ADAMTS16: variants seen among roughly 807,000 people sequenced by gnomAD.
ADAMTS16 encodes the protein ADAM metallopeptidase with thrombospondin type 1 motif 16.
In ADAMTS16, 94 loss-of-function variants were observed where a neutral mutation model predicts 145.8. That is an observed-to-expected ratio of 0.64 (90% CI 0.55 to 0.77). The LOEUF (loss-of-function observed/expected upper bound fraction) is 0.77. ADAMTS16 is among the 30% of genes least tolerant of loss of function. ADAMTS16 has a pLI of 0.00. For missense variants in ADAMTS16, 1,585 were observed against 1,591.5 expected (o/e 1.00, Z 0.07); for synonymous variants, 659 against 604.3 (o/e 1.09, Z -1.33).
At chr5:5,259,804 A>G (rs1253636638) in intron 17 of ADAMTS16, among the ~76,000 whole-genome samples, 1 of 152,248 alleles carries the variant, frequency 6.6e-6, no homozygotes, top group African/African-American at 2.4e-5. Context: ...TACATAACTC[A>G]GCTTTCAGCT....
chr5:5,282,699 T>C (rs1361827955), intron 18 of ADAMTS16, among the ~76,000 whole-genome samples: 1 of 152,232 alleles, frequency 6.6e-6, no homozygotes, highest in Non-Finnish European at 1.5e-5. Flanking sequence ...TATATTCTTG[T>C]TGTCAAGTTT....
chr5:5,203,807 C>T (rs1033034236), intron 9 of ADAMTS16, among the ~76,000 whole-genome samples: 4 of 152,034 alleles, frequency 2.6e-5, no homozygotes, highest in African/African-American at 9.7e-5. Flanking sequence ...AGCTCTCTGA[C>T]CACGTGAATC....
At chr5:5,280,922 G>C (rs2126471276) in intron 18 of ADAMTS16, among the ~76,000 whole-genome samples, 1 of 152,276 alleles carries the variant, frequency 6.6e-6, no homozygotes, top group South Asian at 2.1e-4. Flanking sequence ...TCAGGCCCAA[G>C]CAAACCAGCG....
intron 3 of ADAMTS16, among the ~76,000 whole-genome samples, chr5:5,172,567 C>T (rs1049666714): frequency 6.6e-6 from 1 of 152,002 alleles, no homozygotes; most frequent in African/African-American, 2.4e-5. Context: ...CCTCTTGTGA[C>T]TGATTTCTAG....
intron 4 of ADAMTS16, among the ~76,000 whole-genome samples, chr5:5,182,967 C>T (rs751367046): frequency 1.1e-4 from 16 of 152,162 alleles, no homozygotes; most frequent in Non-Finnish European, 2.2e-4. Flanking sequence ...TCTCCCCCTG[C>T]CCATTGTTTC....
At chr5:5,308,127 G>A (rs946658711) in intron 21 of ADAMTS16, among the ~76,000 whole-genome samples, 6 of 152,160 alleles carry the variant, frequency 3.9e-5, no homozygotes, top group Admixed American at 6.5e-5. Flanking sequence ...TACGTTGATC[G>A]TGCCACCAAG....
rs1579312680 is a variant in ADAMTS16, at chr5:5,209,281, G to T, written c.1605+35G>T. ...TATTGGCACATGCTCAATGCAACAT[G>T]ATTCATAAGACTGTTTTATTTAGTG... is the stretch of plus-strand genomic sequence containing the variant. On this transcript the variant is annotated intron_variant, in intron 10 of 22. Coordinates refer to ENST00000274181, the MANE Select transcript of ADAMTS16 (RefSeq NM_139056.4). The T allele has an allele frequency of 2.5e-6, 4 of 1,606,946 alleles. No individual in the cohort carries two copies. In the South Asian group the frequency reaches 3.3e-5, roughly 13 times the overall value.
intron 10 of ADAMTS16, among the ~76,000 whole-genome samples, chr5:5,220,681 A>G (rs933368152): frequency 6.6e-6 from 1 of 152,090 alleles, no homozygotes; most frequent in African/African-American, 2.4e-5. Context: ...CCTGAGCTGA[A>G]CACATTACCT....
chr5:5,301,440 C>T (rs1233664868), intron 18 of ADAMTS16, among the ~76,000 whole-genome samples: 2 of 152,300 alleles, frequency 1.3e-5, no homozygotes, highest in East Asian at 1.9e-4. Flanking sequence ...TGCTCTGAAC[C>T]ATGTTAAAAA....
At chr5:5,179,959 T>C (rs1056036426) in intron 3 of ADAMTS16, among the ~76,000 whole-genome samples, 2 of 152,180 alleles carry the variant, frequency 1.3e-5, no homozygotes, top group Non-Finnish European at 2.9e-5. Context: ...CCAAATCCTA[T>C]TTTCCTTGAG....
chr5:5,262,863 G>A, intron 18 of ADAMTS16, 80 bp downstream of exon 18: 1 of 1,570,380 alleles, frequency 6.4e-7, no homozygotes. Flanking sequence ...CTGATTTCGA[G>A]AGAGAAGTGC....
At chr5:5,261,135 C>T (rs1738000528) in intron 17 of ADAMTS16, among the ~76,000 whole-genome samples, 2 of 152,130 alleles carry the variant, frequency 1.3e-5, no homozygotes, top group Admixed American at 1.3e-4. Flanking sequence ...TTTATTTTAT[C>T]CCCTACTGCA....
chr5:5,226,924 G>A lies in ADAMTS16; in HGVS notation c.1701+4040G>A, dbSNP rs190759091. Among the ~76,000 whole-genome samples the A allele has an allele frequency of 3.9e-5, 6 of 152,316 alleles. No individual in the cohort carries two copies. The East Asian group carries it at 1.2e-3, about 29-fold the overall frequency. ...CCAGGAGAAATCCAGGGCAAGGGGT[G>A]GGGACCACAGCTGAAATGCGTATCT... On this transcript the variant is annotated intron_variant, in intron 11 of 22. Transcript: ENST00000274181.
rs1041254991 is a variant in ADAMTS16, at chr5:5,140,411, C to T, written c.-57C>T. On this transcript the variant is annotated 5_prime_UTR_variant, in exon 1 of 23. Transcript: ENST00000274181. Reference sequence around the variant, plus strand: ...CTGGGTCGGGTCCTCCCTGCCCGCTCGCACGCTGCCGGCCGGGGACCCTCC... The same window carrying T: ...CTGGGTCGGGTCCTCCCTGCCCGCTTGCACGCTGCCGGCCGGGGACCCTCC... The T allele has an allele frequency of 6.8e-6, 10 of 1,474,154 alleles. No homozygotes were observed. The highest frequency in any genetic ancestry group is 5.8e-5 in the East Asian group (2 of 34,470). The allele number at this position is 1,474,154 out of a possible 1,614,324, so 91.3% of individuals were successfully genotyped here. A position where few individuals can be genotyped will look rare whatever the true frequency, so the allele number is the denominator to read the frequency against.
chr5:5,192,748 C>T (rs871122), intron 8 of ADAMTS16, among the ~76,000 whole-genome samples: 28,935 of 152,156 alleles, frequency 0.19, 3,463 homozygotes, highest in Admixed American at 0.4. Flanking sequence ...TGAACAATTT[C>T]TAGCAATTAT....
At chr5:5,297,423 T>C (rs1256401429) in intron 18 of ADAMTS16, among the ~76,000 whole-genome samples, 1 of 152,204 alleles carries the variant, frequency 6.6e-6, no homozygotes, top group Non-Finnish European at 1.5e-5. Flanking sequence ...AGTTGACTGG[T>C]TTCCCTTTTA....
At chr5:5,172,724 G>A (rs1735075067) in intron 3 of ADAMTS16, among the ~76,000 whole-genome samples, 1 of 152,098 alleles carries the variant, frequency 6.6e-6, no homozygotes, top group African/African-American at 2.4e-5. Context: ...GCAACTATTG[G>A]ATAAAATGTT....
In ADAMTS16 at chr5:5,239,211, A is replaced by C; in HGVS notation, c.2215A>C (p.Asn739His). The part of the protein sequence containing the change: ...DAVEDVCGVC[N>H]GNNSACTIHR... Reference sequence around the variant, plus strand: ...TGTTGAAGACGTCTGTGGGGTGTGTAACGGGAATAACTCAGCCTGCACGAT... The same window carrying C: ...TGTTGAAGACGTCTGTGGGGTGTGTCACGGGAATAACTCAGCCTGCACGAT... Residue 739 changes from asparagine to histidine, a missense_variant, in exon 15 of 23, where the codon AAC becomes CAC. Asn to His is a moderately conservative substitution (Grantham distance 68, BLOSUM62 1). Transcript: ENST00000274181. 2 of 1,603,226 alleles carry C rather than the reference A, an allele frequency of 1.2e-6. No individual in the cohort carries two copies. Among genetic ancestry groups the C allele is most frequent in the Non-Finnish European group, 1.7e-6 (2 of 1,175,430 alleles).
At position 5,243,359 on chromosome 5, in the gene ADAMTS16, T is replaced by G. The variant is rs148889767; in HGVS notation, c.2662+1168T>G. On this transcript the variant is annotated intron_variant, in intron 17 of 22. Transcript: ENST00000274181. ...CTCTAATAGTGACCAGAGAGAAATA[T>G]GAAGGAAATCTCACACTAGTGATAT... Among the ~76,000 whole-genome samples the G allele has an allele frequency of 2.0e-5, 3 of 152,330 alleles. No homozygotes were observed. The East Asian group carries it at 5.8e-4, about 29-fold the overall frequency.
Sources: gnomAD v4.1 joint callset for allele counts (sites outside exome capture counted in the v4.1 genomes callset) on GRCh38, gnomAD v4.1.1 for gene constraint, MANE v1.5 for transcripts, NCBI Gene and HGNC (gene_info 2026-07-23, HGNC 2026-07-21) for gene names.